The following MAF variants were observed in gnomAD, a reference collection of about 807,000 sequenced individuals.
MAF encodes the protein MAF bZIP transcription factor.
In MAF, 10 loss-of-function variants were observed where a neutral mutation model predicts 22.0. The observed-to-expected ratio is 0.45, with a 90% confidence interval of 0.28 to 0.77. MAF has a LOEUF of 0.77. Among genes scored for constraint, MAF ranks in the 30% least tolerant of loss-of-function variants. The probability of loss-of-function intolerance (pLI) is 0.12; values close to 1 mark genes in which losing one functional copy is unlikely to be tolerated. For synonymous variants in MAF, 337 were observed against 255.8 expected, an observed-to-expected ratio of 1.32 and a Z score of -3.03; for missense variants, 544 against 548.4, an observed-to-expected ratio of 0.99 and a Z score of 0.08.
the MAF span, among the ~76,000 whole-genome samples, chr16:79,391,899 C>CAGGAGGAGGAGA: frequency 8.3e-5 from 4 of 48,362 alleles, no homozygotes; most frequent in Admixed American, 1.9e-4. Context: ...GGAGGAGGAG[C>CAGGAGGAGGAGA]AGGAGGAGGA....
chr16:79,416,870 T>G, the MAF span, among the ~76,000 whole-genome samples: 1 of 152,196 alleles, frequency 6.6e-6, no homozygotes, highest in Non-Finnish European at 1.5e-5. Context: ...TTATATAGTT[T>G]TAGGAAGATG....
At chr16:79,579,716 C>T in the MAF span, among the ~76,000 whole-genome samples, 1 of 152,172 alleles carries the variant, frequency 6.6e-6, no homozygotes, top group Non-Finnish European at 1.5e-5. Context: ...CAAATAACTC[C>T]TGACAAATTC....
At chr16:79,487,772 G>C in the MAF span, among the ~76,000 whole-genome samples, 54 of 152,324 alleles carry the variant, frequency 3.5e-4, no homozygotes, top group African/African-American at 1.3e-3. Context: ...AGGACCCTGG[G>C]TGACTCTGGA....
the MAF span, among the ~76,000 whole-genome samples, chr16:79,421,262 C>A: frequency 1.3e-5 from 2 of 152,212 alleles, no homozygotes; most frequent in Non-Finnish European, 2.9e-5. Flanking sequence ...TGGATAAGCG[C>A]TGGCTGCTGT....
the MAF span, among the ~76,000 whole-genome samples, chr16:79,316,837 A>G: frequency 5.3e-5 from 8 of 152,268 alleles, no homozygotes; most frequent in Non-Finnish European, 1.2e-4. Context: ...CTGGTTGCCA[A>G]CACTCAGATG....
the MAF span, among the ~76,000 whole-genome samples, chr16:79,340,722 C>T: frequency 3.3e-5 from 5 of 152,064 alleles, no homozygotes; most frequent in South Asian, 2.1e-4. Flanking sequence ...GCATCCCTGG[C>T]CTTGACCTCC....
At chr16:79,247,995 G>A in the MAF span, among the ~76,000 whole-genome samples, 1 of 148,502 alleles carries the variant, frequency 6.7e-6, no homozygotes, top group African/African-American at 2.4e-5. Flanking sequence ...TACCCACCCA[G>A]TTTTGGACAG....
chr16:79,452,725 G>A, the MAF span, among the ~76,000 whole-genome samples: 4 of 152,056 alleles, frequency 2.6e-5, no homozygotes, highest in African/African-American at 9.7e-5. Context: ...CCTCGTTAAA[G>A]GGATGTGGGC....
At chr16:79,315,981 C>A in the MAF span, among the ~76,000 whole-genome samples, 1 of 152,230 alleles carries the variant, frequency 6.6e-6, no homozygotes, top group African/African-American at 2.4e-5. Flanking sequence ...CATTCTGAAC[C>A]TCTTGTGCGA....
chr16:79,565,105 C>A, the MAF span, among the ~76,000 whole-genome samples: 1 of 152,150 alleles, frequency 6.6e-6, no homozygotes, highest in East Asian at 1.9e-4. Context: ...CGGGAGATAA[C>A]TAGTCCCAGG....
chr16:79,512,412 TCC>T, the MAF span, among the ~76,000 whole-genome samples: 2 of 152,036 alleles, frequency 1.3e-5, no homozygotes, highest in South Asian at 4.2e-4. Context: ...GGGTTGGGGG[TCC>T]ACTCCTAGGC....
the MAF span, among the ~76,000 whole-genome samples, chr16:79,454,156 GA>G: frequency 6.6e-6 from 1 of 152,282 alleles, no homozygotes; most frequent in East Asian, 1.9e-4. Flanking sequence ...AAGATTCTAA[GA>G]GATTAAGCGA....
At chr16:79,408,136 T>A in the MAF span, among the ~76,000 whole-genome samples, 2 of 147,522 alleles carry the variant, frequency 1.4e-5, no homozygotes, top group South Asian at 4.3e-4. Flanking sequence ...TAAAAGCATG[T>A]GCTTTAGCTT....
chr16:79,319,685 T>A, the MAF span, among the ~76,000 whole-genome samples: 1 of 148,200 alleles, frequency 6.7e-6, no homozygotes, highest in Non-Finnish European at 1.5e-5. Flanking sequence ...TGCATATTCA[T>A]TTCTCCTATA....
At chr16:79,532,452 C>T in the MAF span, among the ~76,000 whole-genome samples, 3 of 152,194 alleles carry the variant, frequency 2.0e-5, no homozygotes, top group Non-Finnish European at 4.4e-5. Flanking sequence ...CATTTCAGTG[C>T]AGTTTATCTC....
chr16:79,298,605 G>A, the MAF span, among the ~76,000 whole-genome samples: 2 of 152,192 alleles, frequency 1.3e-5, no homozygotes, highest in African/African-American at 4.8e-5. Flanking sequence ...CAGGAGAGTG[G>A]GCACTAAACA....
chr16:79,565,644 G>A, the MAF span, among the ~76,000 whole-genome samples: 3 of 152,044 alleles, frequency 2.0e-5, no homozygotes, highest in Non-Finnish European at 4.4e-5. Flanking sequence ...TCTCCTTCCC[G>A]CCTTCATGTT....
At chr16:79,581,255 C>T (rs1216429807), downstream of MAF, among the ~76,000 whole-genome samples, 5 of 152,150 alleles carry the variant, frequency 3.3e-5, no homozygotes, top group Admixed American at 6.5e-5. Flanking sequence ...CCCTCATGTT[C>T]GCTTTCTCCC....
chr16:79,479,406 C>A, the MAF span, among the ~76,000 whole-genome samples: 7 of 152,202 alleles, frequency 4.6e-5, no homozygotes. Context: ...AGTGAATGAT[C>A]AATTTCAAAT....
Sources: gnomAD v4.1 joint callset for allele counts (sites outside exome capture counted in the v4.1 genomes callset) on GRCh38, gnomAD v4.1.1 for gene constraint, MANE v1.5 for transcripts, NCBI Gene and HGNC (gene_info 2026-07-23, HGNC 2026-07-21) for gene names.